SLC38A1: variants seen among roughly 807,000 people sequenced by gnomAD.
The protein encoded by SLC38A1 is solute carrier family 38 member 1, also known as sodium-coupled neutral amino acid symporter 1.
In SLC38A1, 18 loss-of-function variants were observed where a neutral mutation model predicts 60.3. The ratio of observed to expected loss-of-function variants is 0.30; its 90% CI spans 0.21 to 0.44. The LOEUF (loss-of-function observed/expected upper bound fraction) is 0.44, where lower values mean the gene tolerates loss of function less well. Among genes scored for constraint, SLC38A1 ranks in the 20% least tolerant of loss-of-function variants. SLC38A1 has a pLI of 1.00. For missense variants in SLC38A1, 448 were observed against 587.2 expected, an observed-to-expected ratio of 0.76 and a Z score of 2.45; for synonymous variants, 196 against 212.1, an observed-to-expected ratio of 0.92 and a Z score of 0.66.
intron 5 of SLC38A1, among the ~76,000 whole-genome samples, chr12:46,213,956 T>A (rs1377650097): frequency 6.6e-6 from 1 of 152,230 alleles, no homozygotes; most frequent in African/African-American, 2.4e-5. Context: ...ATGCCAAATA[T>A]CTTAACTAAA....
intron 5 of SLC38A1, among the ~76,000 whole-genome samples, chr12:46,210,740 C>T (rs1485431073): frequency 2.0e-5 from 3 of 152,122 alleles, no homozygotes; most frequent in African/African-American, 7.2e-5. Flanking sequence ...TCTCTCAATT[C>T]TCTCTTGTCT....
intron 2 of SLC38A1, among the ~76,000 whole-genome samples, chr12:46,240,678 C>A (rs1020384316): frequency 6.6e-6 from 1 of 152,154 alleles, no homozygotes; most frequent in Non-Finnish European, 1.5e-5. Flanking sequence ...CAGTAAACAA[C>A]AAATTTATGT....
chr12:46,259,877 C>G (rs2138962738), intron 1 of SLC38A1, among the ~76,000 whole-genome samples: 1 of 152,276 alleles, frequency 6.6e-6, no homozygotes, highest in South Asian at 2.1e-4. Context: ...TCACACCCCT[C>G]TCTTTACTGC....
intron 14 of SLC38A1, 21 bp from the exon 15 acceptor site, chr12:46,198,081 G>T (rs1215218390): frequency 1.2e-6 from 2 of 1,611,694 alleles, no homozygotes; most frequent in Middle Eastern, 1.6e-4. Flanking sequence ...AGAAAACAAA[G>T]ATTCTGTAAG....
chr12:46,232,297 T>A (rs1941107186), intron 3 of SLC38A1, among the ~76,000 whole-genome samples: 1 of 152,066 alleles, frequency 6.6e-6, no homozygotes, highest in Admixed American at 6.5e-5. Context: ...GCTGTGCAGA[T>A]TAAGATGAGG....
At chr12:46,210,079 G>A (rs1940087068) in intron 5 of SLC38A1, among the ~76,000 whole-genome samples, 1 of 152,164 alleles carries the variant, frequency 6.6e-6, no homozygotes, top group African/African-American at 2.4e-5. Context: ...CTGTTGAGAG[G>A]CACTTGGCAC....
intron 3 of SLC38A1, among the ~76,000 whole-genome samples, chr12:46,234,443 TTTC>T (rs1278692930): frequency 4.2e-5 from 6 of 141,386 alleles, no homozygotes; most frequent in African/African-American, 1.7e-4. Flanking sequence ...TTTTTCTTTC[TTTC>T]TTTTTTTTTT....
At chr12:46,241,355 G>A (rs1446805344) in intron 2 of SLC38A1, among the ~76,000 whole-genome samples, 1 of 152,100 alleles carries the variant, frequency 6.6e-6, no homozygotes, top group African/African-American at 2.4e-5. Context: ...ACTTTTCCAG[G>A]TATCCCCCTC....
At chr12:46,208,136 A>G (rs1345834572) in intron 6 of SLC38A1, among the ~76,000 whole-genome samples, 4 of 152,224 alleles carry the variant, frequency 2.6e-5, no homozygotes, top group Admixed American at 2.0e-4. Context: ...TAGCCACGAC[A>G]TACAAAACCT....
chr12:46,190,313 C>A (rs1939094660), intron 16 of SLC38A1, among the ~76,000 whole-genome samples: 3 of 152,172 alleles, frequency 2.0e-5, no homozygotes, highest in Admixed American at 2.0e-4. Context: ...GTACATGTGC[C>A]ACATTTTCTT....
intron 5 of SLC38A1, among the ~76,000 whole-genome samples, chr12:46,226,058 T>C (rs1466327410): frequency 6.6e-6 from 1 of 152,262 alleles, no homozygotes; most frequent in African/African-American, 2.4e-5. Flanking sequence ...ACTGATTGTA[T>C]ATTTGATGAT....
intron 1 of SLC38A1, among the ~76,000 whole-genome samples, chr12:46,262,727 C>T (rs1438092674): frequency 1.3e-5 from 2 of 152,032 alleles, no homozygotes; most frequent in African/African-American, 4.8e-5. Flanking sequence ...AACTTTAAAG[C>T]ATCACAAAGT....
chr12:46,250,542 C>T (rs117836616), intron 1 of SLC38A1, among the ~76,000 whole-genome samples: 2,405 of 152,304 alleles, frequency 0.016, 27 homozygotes, highest in Middle Eastern at 0.034. Context: ...AAGACAAAGT[C>T]AAACTGTCCC....
chr12:46,231,311 G>A (rs2137991439), intron 3 of SLC38A1, among the ~76,000 whole-genome samples: 1 of 152,116 alleles, frequency 6.6e-6, no homozygotes, highest in African/African-American at 2.4e-5. Context: ...AGGTGGGAGG[G>A]GGCAAGGGAT....
chr12:46,227,148 C>T (rs181464732), intron 5 of SLC38A1, among the ~76,000 whole-genome samples: 310 of 152,000 alleles, frequency 2.0e-3, no homozygotes, highest in Non-Finnish European at 3.5e-3. Flanking sequence ...GGAAATAGAG[C>T]AATACCTTCA....
intron 5 of SLC38A1, among the ~76,000 whole-genome samples, chr12:46,218,338 G>C (rs752915299): frequency 6.6e-6 from 1 of 151,642 alleles, no homozygotes; most frequent in Non-Finnish European, 1.5e-5. Context: ...GTTAACTCTT[G>C]AGTGACAGAA....
At chr12:46,204,874 C>T (rs576574077) in intron 9 of SLC38A1, among the ~76,000 whole-genome samples, 16 of 152,172 alleles carry the variant, frequency 1.1e-4, no homozygotes, top group Non-Finnish European at 1.6e-4. Context: ...CTAGAGAACA[C>T]AGATTCCCAG....
intron 1 of SLC38A1, among the ~76,000 whole-genome samples, chr12:46,247,794 G>T (rs1941673706): frequency 6.6e-6 from 1 of 152,160 alleles, no homozygotes; most frequent in African/African-American, 2.4e-5. Flanking sequence ...AGAAAGGTCG[G>T]GTTACCCACA....
At chr12:46,212,860 G>A (rs764578539) in intron 5 of SLC38A1, among the ~76,000 whole-genome samples, 5 of 152,152 alleles carry the variant, frequency 3.3e-5, no homozygotes, top group Non-Finnish European at 5.9e-5. Context: ...TCTGTGCTTG[G>A]AACTGAGGCT....
Sources: gnomAD v4.1 joint callset for allele counts (sites outside exome capture counted in the v4.1 genomes callset) on GRCh38, gnomAD v4.1.1 for gene constraint, MANE v1.5 for transcripts, NCBI Gene and HGNC (gene_info 2026-07-23, HGNC 2026-07-21) for gene names.